RNF31: variants seen among roughly 807,000 people sequenced by gnomAD.
The protein encoded by RNF31 is ring finger protein 31.
Under a neutral mutation model 133.6 loss-of-function variants are expected in RNF31, and 38 were observed. That is an observed-to-expected ratio of 0.28 (90% CI 0.22 to 0.37). The LOEUF is 0.37. RNF31 is among the 10% of genes least tolerant of loss of function. The probability of loss-of-function intolerance (pLI) is 1.00; values close to 1 mark genes in which losing one functional copy is unlikely to be tolerated. For missense variants in RNF31, 1,118 were observed against 1,394.1 expected (o/e 0.80, Z 3.15); for synonymous variants, 582 against 552.3 (o/e 1.05, Z -0.75).
rs2038241329 is a variant in RNF31 at position 24,150,185 on chromosome 14, C to T, written c.934C>T (p.Leu312=). The part of the protein sequence containing the change: ...LPWHCAACAM[L]NEPWAVLCVA... Reference sequence around the variant, plus strand: ...CTGGCACTGTGCTGCCTGTGCCATGCTAAATGAGCCTTGGGCAGTGCTCTG... The same window carrying T: ...CTGGCACTGTGCTGCCTGTGCCATGTTAAATGAGCCTTGGGCAGTGCTCTG... The change falls in exon 7 of 21, where the codon CTA becomes TTA. Residue 312 remains leucine, a synonymous_variant. Coordinates refer to ENST00000324103, the MANE Select transcript of RNF31 (RefSeq NM_017999.5). 2.5e-6 allele frequency: 4 copies of T among 1,614,202 alleles called. No individual in the cohort carries two copies. The Admixed American group carries it at 6.7e-5, about 27-fold the overall frequency.
At chr14:24,149,757 C>T (rs1483863554) in intron 6 of RNF31, among the ~76,000 whole-genome samples, 174 bp downstream of exon 6, 1 of 152,178 alleles carries the variant, frequency 6.6e-6, no homozygotes, top group East Asian at 1.9e-4. Context: ...ATTGCAGTAA[C>T]CCAGGTTGTT....
chr14:24,151,306 G>A lies in RNF31; in HGVS notation c.1664G>A (p.Arg555Gln), dbSNP rs775824598. 2.0e-5 allele frequency: 32 copies of A among 1,614,118 alleles called. No individual in the cohort carries two copies. Among genetic ancestry groups the A allele is most frequent in the African/African-American group, 1.2e-4 (9 of 74,944 alleles). Residue 555 changes from arginine to glutamine, a missense_variant, in exon 9 of 21, where the codon CGG becomes CAG. Transcript: ENST00000324103. The surrounding 1 kb of genome is among the most constrained non-coding windows in gnomAD (Gnocchi z 5.3). The part of the protein sequence containing the change: ...GLGAFSCQEA[R>Q]RAWLDRHGNL... ...GGTGCCTTTTCCTGTCAGGAGGCCC[G>A]GAGAGCCTGGCTGGATCGTCATGGC...
intron 7 of RNF31, 71 bp downstream of exon 7, chr14:24,150,519 C>G: frequency 6.4e-7 from 1 of 1,574,446 alleles, no homozygotes; most frequent in Non-Finnish European, 8.7e-7. Context: ...TGTTTTCCTT[C>G]AGTTCCTCCC....
chr14:24,153,899 G>C (rs886889527), intron 11 of RNF31, among the ~76,000 whole-genome samples: 2 of 152,062 alleles, frequency 1.3e-5, no homozygotes, highest in Non-Finnish European at 2.9e-5. Context: ...GTGAGACTCT[G>C]TCTCAAAATA....
intron 18 of RNF31, among the ~76,000 whole-genome samples, chr14:24,159,004 G>A (rs1160064202): frequency 4.0e-5 from 5 of 125,590 alleles, no homozygotes; most frequent in African/African-American, 1.6e-4. Context: ...CCGCACTCCA[G>A]CCTGGGCAAC....
intron 17 of RNF31, 60 bp from the exon 18 acceptor site, chr14:24,158,082 A>G (rs376613743): frequency 1.5e-5 from 24 of 1,611,590 alleles, no homozygotes; most frequent in Non-Finnish European, 2.0e-5. Context: ...CCGTGCTAGG[A>G]ATTGCAACAG....
Position 24,147,613 on chromosome 14 carries a change from C to T in RNF31, c.-86C>T, listed in dbSNP as rs2038187918. ...CGGGGTGGGCCTCAAAGCCGGGCAC[C>T]AGACGGGAGGGGCGGCGCTCGGGCC... On this transcript the variant is annotated 5_prime_UTR_variant, in exon 1 of 21. Transcript: ENST00000324103. The T allele has an allele frequency of 4.0e-6, 5 of 1,259,054 alleles. No individual in the cohort carries two copies. The South Asian group carries it at 7.6e-5, about 19-fold the overall frequency. 78.0% of individuals were successfully genotyped at this position (1,259,054 alleles called of 1,614,324 possible). A position where few individuals can be genotyped will look rare whatever the true frequency, so the allele number is the denominator to read the frequency against.
chr14:24,157,818 C>A, intron 16 of RNF31, 80 bp from the exon 17 acceptor site: 5 of 1,234,096 alleles, frequency 4.1e-6, no homozygotes, highest in South Asian at 2.5e-5. Flanking sequence ...CTCACCCTTA[C>A]ACCCCTCACG....
rs747042037 is a variant in RNF31, at chr14:24,150,853, C to T, written c.1453C>T (p.Arg485Trp). 17 of 1,567,904 alleles carry T rather than the reference C, an allele frequency of 1.1e-5. No individual in the cohort carries two copies. The East Asian group carries it at 1.3e-4, about 12-fold the overall frequency. Residue 485 changes from arginine (R) to tryptophan (W), a missense_variant, in exon 8 of 21, where the codon CGG becomes TGG. By Grantham distance (101) the Arg-to-Trp change is moderately radical (BLOSUM62 -3). Coordinates refer to ENST00000324103, the MANE Select transcript of RNF31 (RefSeq NM_017999.5). ...TGAGAAGCAGCGCCAAGACAAGATG[C>T]GGGAAGAAGGCCTCCAGCTAGTGAG... ...DPEKQRQDKM[R>W]EEGLQLVSMI...
intron 11 of RNF31, among the ~76,000 whole-genome samples, chr14:24,152,215 T>C (rs1307935100): frequency 1.3e-5 from 2 of 151,894 alleles, no homozygotes; most frequent in Non-Finnish European, 2.9e-5. Context: ...AAAATTGTAC[T>C]ACACTGTATA....
chr14:24,155,056 A>T lies in RNF31; in HGVS notation c.2131-101A>T, dbSNP rs1594380362. 3 of 1,169,648 alleles carry T rather than the reference A, an allele frequency of 2.6e-6. No homozygotes were observed. Among genetic ancestry groups the T allele is most frequent in the Non-Finnish European group, 3.7e-6 (3 of 819,456 alleles). The allele number at this position is 1,169,648 out of a possible 1,614,324, so 72.5% of individuals were successfully genotyped here. On this transcript the variant is annotated intron_variant, in intron 11 of 20. Transcript: ENST00000324103. The surrounding 1 kb of genome is among the most constrained non-coding windows in gnomAD (Gnocchi z 4.9). ...AGGTTGTTAACCCTGCCCAGTTGTT[A>T]ATTAGACCCTGATTTCTTAGTGGAC...
chr14:24,149,383 G>A (rs944909546), intron 5 of RNF31, 23 bp from the exon 6 acceptor site: 5 of 1,599,576 alleles, frequency 3.1e-6, no homozygotes, highest in African/African-American at 2.7e-5. Flanking sequence ...TTGGAAAGAT[G>A]TTCCATCTCT....
Position 24,160,496 on chromosome 14 carries a change from A to T in RNF31, c.3166-24A>T, listed in dbSNP as rs1311704294. On this transcript the variant is annotated intron_variant, in intron 20 of 20. Transcript: ENST00000324103. This position sits in a 1 kb window ranked among gnomAD's most constrained non-coding sequence, Gnocchi z 4.0. ...GTCTGAGCTCCAGGCTTCCAATATC[A>T]TTACCTTCTCTCTCCTTCTGCAGAA... 6.4e-7 allele frequency: 1 copy of T among 1,563,452 alleles called. No homozygotes were observed. Among genetic ancestry groups the T allele is most frequent in the Non-Finnish European group, 8.7e-7 (1 of 1,150,746 alleles).
At position 24,151,830 on chromosome 14, in the gene RNF31, G is replaced by C. The variant is rs1321607303; in HGVS notation, c.1968G>C (p.Trp656Cys). The C allele has an allele frequency of 1.2e-6, 2 of 1,613,866 alleles. No individual in the cohort carries two copies. Among genetic ancestry groups the C allele is most frequent in the Admixed American group, 1.7e-5 (1 of 60,010 alleles). Reference sequence around the variant, plus strand: ...TGGCAGTCTACGCACTCCCCAGCTGGGGCCGGGCAGAGCTGGCACTGTCAC... The same window carrying C: ...TGGCAGTCTACGCACTCCCCAGCTGCGGCCGGGCAGAGCTGGCACTGTCAC... ...RLLAVYALPS[W>C]GRAELALSLL... The change falls in exon 11 of 21, where the codon TGG becomes TGC. Residue 656 changes from tryptophan to cysteine, a missense_variant. Trp to Cys is a radical substitution (Grantham distance 215, BLOSUM62 -2). Around this residue, in one of 3 missense-constraint regions of RNF31, gnomAD observed 201 missense variants for 371.7 expected, o/e 0.54. Coordinates refer to ENST00000324103, the MANE Select transcript of RNF31 (RefSeq NM_017999.5). The surrounding 1 kb of genome is among the most constrained non-coding windows in gnomAD (Gnocchi z 5.3).
chr14:24,155,483 C>G lies in RNF31; in HGVS notation c.2374C>G (p.Arg792Gly), dbSNP rs2038328705. The part of the protein sequence containing the change: ...HKKLTEGVLM[R>G]DPKFLWCAQC... The stretch of plus-strand genomic sequence containing the variant: ...GAAGCTGACCGAGGGTGTGCTGATG[C>G]GGGACCCCAAGTTCTTGTGGTGTGC... Residue 792 changes from arginine to glycine, a missense_variant, in exon 13 of 21, where the codon CGG becomes GGG. Coordinates refer to ENST00000324103, the MANE Select transcript of RNF31 (RefSeq NM_017999.5). This position sits in a 1 kb window ranked among gnomAD's most constrained non-coding sequence, Gnocchi z 4.9. The G allele has an allele frequency of 5.0e-6, 8 of 1,614,036 alleles. No individual in the cohort carries two copies. Among genetic ancestry groups the G allele is most frequent in the Non-Finnish European group, 6.8e-6 (8 of 1,180,030 alleles).
At chr14:24,150,941 T>C in intron 8 of RNF31, 53 bp downstream of exon 8, 1 of 1,526,858 alleles carries the variant, frequency 6.5e-7, no homozygotes, top group Non-Finnish European at 8.8e-7. Context: ...GGAAAGGAGA[T>C]GCTGCAGGTG....
intron 11 of RNF31, among the ~76,000 whole-genome samples, chr14:24,153,112 T>TTG (rs1368584930): frequency 5.3e-5 from 8 of 151,378 alleles, no homozygotes; most frequent in East Asian, 3.9e-4. Context: ...CTGTTCATTT[T>TTG]TGTGTGTGTG....
chr14:24,158,958 G>A (rs988065877), intron 18 of RNF31, among the ~76,000 whole-genome samples: 26 of 146,980 alleles, frequency 1.8e-4, no homozygotes, highest in East Asian at 1.4e-3. Context: ...GCATGAACCC[G>A]GGAGGCGGAG....
At position 24,160,346 on chromosome 14, in the gene RNF31, A is replaced by G. The variant is rs2038427408; in HGVS notation, c.3104A>G (p.His1035Arg). The G allele has an allele frequency of 4.3e-6, 7 of 1,614,160 alleles. No individual in the cohort carries two copies. Among genetic ancestry groups the G allele is most frequent in the Non-Finnish European group, 5.1e-6 (6 of 1,179,996 alleles). ...ELETATERYL[H>R]VRPQPLAGED... is the part of the protein sequence containing the mutation. ...GAGACGGCCACTGAGCGCTACCTGCACGTACGCCCCCAGCCTTTGGCTGGA... is the reference window on the plus strand; with the variant it reads ...GAGACGGCCACTGAGCGCTACCTGCGCGTACGCCCCCAGCCTTTGGCTGGA... Residue 1035 changes from histidine to arginine, a missense_variant, in exon 20 of 21, where the codon CAC becomes CGC. By Grantham distance (29) the His-to-Arg change is conservative. Coordinates refer to ENST00000324103, the MANE Select transcript of RNF31 (RefSeq NM_017999.5). This position sits in a 1 kb window ranked among gnomAD's most constrained non-coding sequence, Gnocchi z 4.0.
Sources: gnomAD v4.1 joint callset for allele counts (sites outside exome capture counted in the v4.1 genomes callset) on GRCh38, gnomAD v4.1.1 for gene constraint, gnomAD v4.1.1 regional missense constraint, Gnocchi (gnomAD v3.1) non-coding constraint, MANE v1.5 for transcripts, NCBI Gene and HGNC (gene_info 2026-07-23, HGNC 2026-07-21) for gene names.